MED22: variants seen among roughly 807,000 people sequenced by gnomAD.
The protein encoded by MED22 is mediator of RNA polymerase II transcription subunit 22.
Under a neutral mutation model 22.7 loss-of-function variants are expected in MED22, and 22 were observed. The observed-to-expected ratio is 0.97, with a 90% CI of 0.69 to 1.38. The LOEUF (loss-of-function observed/expected upper bound fraction) is 1.38. Among genes scored for constraint, MED22 ranks in the 40% most tolerant of loss-of-function variants. The pLI is 0.00. For missense variants in MED22, 247 were observed against 263.0 expected, an observed-to-expected ratio of 0.94 and a Z score of 0.42; for synonymous variants, 134 against 119.4, an observed-to-expected ratio of 1.12 and a Z score of -0.80.
chr9:133,339,482 A>G lies in MED22; in HGVS notation c.*2023T>C. 1 of 682,350 alleles carries G rather than the reference A, an allele frequency of 1.5e-6. No homozygotes were observed. Among genetic ancestry groups the G allele is most frequent in the Non-Finnish European group, 2.7e-6 (1 of 374,122 alleles). 42.3% of individuals were successfully genotyped at this position (682,350 alleles called of 1,614,324 possible). ...ATGGCATCGTGGGTGTTAAAAAAAT[A>G]AAAGACCTCTGGACTAGAAAGAAAA... On this transcript the variant is annotated 3_prime_UTR_variant, in exon 5 of 5. Transcript: ENST00000343730.
Position 133,339,475 on chromosome 9 carries a change from A to C in MED22, c.*2030T>G. ...TGAATTCATGGCATCGTGGGTGTTA[A>C]AAAAATAAAAGACCTCTGGACTAGA... On this transcript the variant is annotated 3_prime_UTR_variant, in exon 5 of 5. Coordinates refer to ENST00000343730, the MANE Select transcript of MED22 (RefSeq NM_133640.5). 1 of 703,568 alleles carries C rather than the reference A, an allele frequency of 1.4e-6. No homozygotes were observed. Among genetic ancestry groups the C allele is most frequent in the Non-Finnish European group, 2.6e-6 (1 of 384,558 alleles). 43.6% of individuals were successfully genotyped at this position (703,568 alleles called of 1,614,324 possible).
At chr9:133,344,657 G>A (rs1037364771) in intron 3 of MED22, among the ~76,000 whole-genome samples, 5 of 152,162 alleles carry the variant, frequency 3.3e-5, no homozygotes, top group African/African-American at 9.7e-5. Flanking sequence ...ATCCCATTTT[G>A]CCTCCTGCCC....
intron 2 of MED22, among the ~76,000 whole-genome samples, chr9:133,345,769 G>A (rs1418900256): frequency 6.6e-6 from 1 of 152,226 alleles, no homozygotes; most frequent in South Asian, 2.1e-4. Context: ...GTGGCCAAGC[G>A]AGGCTGGATG....
chr9:133,347,851 A>ACCCCCC, intron 1 of MED22, 71 bp downstream of exon 1: 1 of 120,346 alleles, frequency 8.3e-6, no homozygotes, highest in Non-Finnish European at 1.7e-5. Context: ...GCGCCTACGC[A>ACCCCCC]CCCACCCACC....
chr9:133,339,391 G>C lies in MED22; in HGVS notation c.*2114C>G, dbSNP rs1372336169. ...CTGAAGCGCCAGCCTGCTCCACCCA[G>C]AGCAGCACACTGTGAGAACCAATGG... On this transcript the variant is annotated 3_prime_UTR_variant, in exon 5 of 5. Transcript: ENST00000343730. The C allele has an allele frequency of 1.3e-6, 1 of 754,522 alleles. No individual in the cohort carries two copies. The highest frequency in any genetic ancestry group is 1.7e-5 in the African/African-American group (1 of 58,004). 46.7% of individuals were successfully genotyped at this position (754,522 alleles called of 1,614,324 possible).
At position 133,340,390 on chromosome 9, in the gene MED22, C is replaced by T. The variant is rs1835973389; in HGVS notation, c.*1115G>A. On this transcript the variant is annotated 3_prime_UTR_variant, in exon 5 of 5. Coordinates refer to ENST00000343730, the MANE Select transcript of MED22 (RefSeq NM_133640.5). ...CATACATCGGGAAAGATGATGGCCTCCCCCATGAGAAGATGAAGCACATGG... is the reference window on the plus strand; with the variant it reads ...CATACATCGGGAAAGATGATGGCCTTCCCCATGAGAAGATGAAGCACATGG... 6.6e-6 allele frequency: 1 copy of T among 152,388 alleles called. No individual in the cohort carries two copies. Among genetic ancestry groups the T allele is most frequent in the East Asian group, 1.9e-4 (1 of 5,186 alleles). 9.4% of individuals were successfully genotyped at this position (152,388 alleles called of 1,614,324 possible).
intron 2 of MED22, 157 bp downstream of exon 2, chr9:133,346,383 G>T: frequency 1.2e-6 from 1 of 835,200 alleles, no homozygotes; most frequent in Non-Finnish European, 1.9e-6. Flanking sequence ...AGGGCTGGAC[G>T]TGCCATTATT....
Position 133,346,582 on chromosome 9 carries a change from C to A in MED22, c.81G>T (p.Lys27Asn). 1 of 1,612,906 alleles carries A rather than the reference C, an allele frequency of 6.2e-7. No individual in the cohort carries two copies. The highest frequency in any genetic ancestry group is 8.5e-7 in the Non-Finnish European group (1 of 1,179,956). ...SYNKRLKDDI[K>N]SIMDNFTEII... is the part of the protein sequence containing the mutation. ...TCTCGGTGAAGTTGTCCATGATGGACTTAATGTCGTCCTTCAGCCGCTTGT... is the reference window on the plus strand; with the variant it reads ...TCTCGGTGAAGTTGTCCATGATGGAATTAATGTCGTCCTTCAGCCGCTTGT... The change falls in exon 2 of 5, where the codon AAG becomes AAT. Residue 27 changes from lysine (K) to asparagine (N), a missense_variant. Transcript: ENST00000343730.
chr9:133,344,351 A>C lies in MED22; in HGVS notation c.205-18T>G. 1 of 1,613,500 alleles carries C rather than the reference A, an allele frequency of 6.2e-7. No individual in the cohort carries two copies. The highest frequency in any genetic ancestry group is 8.5e-7 in the Non-Finnish European group (1 of 1,179,750). On this transcript the variant is annotated intron_variant, in intron 3 of 4. Coordinates refer to ENST00000343730, the MANE Select transcript of MED22 (RefSeq NM_133640.5). ...GCTCGGACCTGTGGCCATCAGAACC[A>C]GGGCGGGCACAGGGTGAGGGGGGAC...
intron 4 of MED22, chr9:133,342,307 C>T: frequency 1.0e-6 from 1 of 986,168 alleles, no homozygotes; most frequent in Non-Finnish European, 1.2e-6. Flanking sequence ...GCTAGCCCTT[C>T]CCATGCCCGC....
Position 133,339,440 on chromosome 9 carries a change from C to T in MED22, c.*2065G>A. The T allele has an allele frequency of 1.3e-6, 1 of 776,754 alleles. No individual in the cohort carries two copies. The highest frequency in any genetic ancestry group is 2.3e-6 in the Non-Finnish European group (1 of 428,572). 48.1% of individuals were successfully genotyped at this position (776,754 alleles called of 1,614,324 possible). ...GGGAAGGAGCCTGAGCTGCTGGAAC[C>T]TCTTCCCTATGAATTCATGGCATCG... On this transcript the variant is annotated 3_prime_UTR_variant, in exon 5 of 5. Coordinates refer to ENST00000343730, the MANE Select transcript of MED22 (RefSeq NM_133640.5).
chr9:133,342,604 G>A (rs1040724892), intron 4 of MED22: 1 of 986,420 alleles, frequency 1.0e-6, no homozygotes, highest in Non-Finnish European at 1.2e-6. Context: ...AGCAAGAAGG[G>A]GCAGAGGAAA....
intron 4 of MED22, chr9:133,343,370 T>A (rs1454742299): frequency 2.4e-6 from 3 of 1,230,482 alleles, no homozygotes; most frequent in Non-Finnish European, 3.0e-6. Flanking sequence ...CAGCCTAAGT[T>A]TCCCCCTAAG....
In MED22 at chr9:133,341,297, C is replaced by A. The variant is rs1835997581; in HGVS notation, c.*208G>T. On this transcript the variant is annotated 3_prime_UTR_variant, in exon 5 of 5. Coordinates refer to ENST00000343730, the MANE Select transcript of MED22 (RefSeq NM_133640.5). Reference sequence around the variant, plus strand: ...AGAGATGATGACTCGGAATGATGGGCTATTCGGAAATGGCTAGGGAAACAA... The same window carrying A: ...AGAGATGATGACTCGGAATGATGGGATATTCGGAAATGGCTAGGGAAACAA... The A allele has an allele frequency of 4.2e-6, 2 of 475,046 alleles. No homozygotes were observed. Among genetic ancestry groups the A allele is most frequent in the African/African-American group, 4.1e-5 (2 of 49,188 alleles). 29.4% of individuals were successfully genotyped at this position (475,046 alleles called of 1,614,324 possible). A position where few individuals can be genotyped will look rare whatever the true frequency, so the allele number is the denominator to read the frequency against.
chr9:133,342,845 G>A (rs1032083771), intron 4 of MED22: 28 of 985,462 alleles, frequency 2.8e-5, no homozygotes, highest in South Asian at 9.4e-5. Context: ...CTGCAGGGCC[G>A]TGAGCAGGTT....
chr9:133,343,264 CAGG>C (rs2129956168), intron 4 of MED22: 73 of 1,217,918 alleles, frequency 6.0e-5, no homozygotes, highest in Non-Finnish European at 7.1e-5. Context: ...AAGGTTTGTC[CAGG>C]AGAAGGCACA....
At chr9:133,345,091 G>A in intron 3 of MED22, 81 bp downstream of exon 3, 1 of 1,391,020 alleles carries the variant, frequency 7.2e-7, no homozygotes, top group South Asian at 1.2e-5. Context: ...CAGCCCCAGA[G>A]CCCCCTCCAC....
intron 1 of MED22, 142 bp from the exon 2 acceptor site, chr9:133,346,842 T>C: frequency 1.2e-6 from 1 of 805,252 alleles, no homozygotes; most frequent in Non-Finnish European, 1.9e-6. Flanking sequence ...GATGAACTCA[T>C]TCCATCAGCA....
chr9:133,341,711 A>G lies in MED22; in HGVS notation c.414-17T>C, dbSNP rs2129950378. The G allele has an allele frequency of 1.7e-5, 28 of 1,602,698 alleles. No homozygotes were observed. The highest frequency in any genetic ancestry group is 2.2e-5 in the Non-Finnish European group (26 of 1,175,248). On this transcript the variant is annotated splice_polypyrimidine_tract_variant and intron_variant, in intron 4 of 4. Transcript: ENST00000343730. ...AGGCTTGAGCTTTTCCACCACCAGA[A>G]ACCCCAGGGAGAGACAGGAGCAGGC... is the stretch of plus-strand genomic sequence containing the variant.
Sources: allele counts gnomAD v4.1 joint callset (sites outside exome capture counted in the v4.1 genomes callset), GRCh38; gene constraint gnomAD v4.1.1; transcripts MANE v1.5; gene names NCBI Gene and HGNC (gene_info 2026-07-23, HGNC 2026-07-21).